WDR59: variants seen among roughly 807,000 people sequenced by gnomAD.
WDR59 encodes GATOR2 complex protein WDR59.
In WDR59, 100 loss-of-function variants were observed where a neutral mutation model predicts 131.2. The ratio of observed to expected loss-of-function variants is 0.76; its 90% CI spans 0.65 to 0.90. The LOEUF is 0.90. WDR59 is among the 40% of genes least tolerant of loss of function. The probability of loss-of-function intolerance (pLI) is 0.00; values close to 1 mark genes in which losing one functional copy is unlikely to be tolerated. For synonymous variants in WDR59, 601 were observed against 466.2 expected, an observed-to-expected ratio of 1.29 and a Z score of -3.72; for missense variants, 1,203 against 1,262.2, an observed-to-expected ratio of 0.95 and a Z score of 0.71.
At chr16:74,961,427 T>C (rs759090221) in intron 2 of WDR59, among the ~76,000 whole-genome samples, 38 of 152,172 alleles carry the variant, frequency 2.5e-4, no homozygotes, top group Admixed American at 5.2e-4. Flanking sequence ...TGTAAAAGCA[T>C]TCCTATTTCT....
chr16:74,890,889 G>C (rs1286468569), intron 20 of WDR59, among the ~76,000 whole-genome samples: 2 of 152,038 alleles, frequency 1.3e-5, no homozygotes, highest in East Asian at 3.9e-4. Flanking sequence ...GCTGAGGTGG[G>C]CGAATCACCA....
intron 18 of WDR59, 45 bp from the exon 19 acceptor site, chr16:74,893,857 T>C: frequency 6.2e-7 from 1 of 1,603,900 alleles, no homozygotes. Flanking sequence ...CTTTGACAAG[T>C]GGAAACCAAC....
chr16:74,948,641 C>T (rs766088298), intron 5 of WDR59, 85 bp from the exon 6 acceptor site: 171 of 1,172,110 alleles, frequency 1.5e-4, no homozygotes, highest in Non-Finnish European at 2.0e-4. Context: ...CACAATTCTT[C>T]GCTTTCCTTT....
intron 6 of WDR59, among the ~76,000 whole-genome samples, chr16:74,943,737 C>T (rs1355712849): frequency 6.6e-6 from 1 of 152,148 alleles, no homozygotes; most frequent in East Asian, 1.9e-4. Context: ...TGAGGAAGCC[C>T]ATAGTAGATC....
rs1964014792 is a variant in WDR59 at position 74,871,682 on chromosome 16, A to C, written c.*2527T>G. 6.6e-6 allele frequency: 1 copy of C among 152,224 alleles called. No homozygotes were observed. The highest frequency in any genetic ancestry group is 1.5e-5 in the Non-Finnish European group (1 of 68,038). The allele number at this position is 152,224 out of a possible 1,614,324, so 9.4% of individuals were successfully genotyped here. A position where few individuals can be genotyped will look rare whatever the true frequency, so the allele number is the denominator to read the frequency against. Reference sequence around the variant, plus strand: ...AACTTGAGCAGTGGGGAACAGGAAAAGATTGCTCTCTGCAAATGGTGTGAT... The same window carrying C: ...AACTTGAGCAGTGGGGAACAGGAAACGATTGCTCTCTGCAAATGGTGTGAT... On this transcript the variant is annotated 3_prime_UTR_variant, in exon 26 of 26. Coordinates refer to ENST00000262144, the MANE Select transcript of WDR59 (RefSeq NM_030581.4).
At chr16:74,937,832 T>C (rs1053431173) in intron 8 of WDR59, among the ~76,000 whole-genome samples, 2 of 152,170 alleles carry the variant, frequency 1.3e-5, no homozygotes, top group Non-Finnish European at 2.9e-5. Context: ...TACTTTTGTC[T>C]CTGACTTCCT....
At chr16:74,940,807 G>A (rs1356497388) in intron 7 of WDR59, among the ~76,000 whole-genome samples, 1 of 152,104 alleles carries the variant, frequency 6.6e-6, no homozygotes, top group East Asian at 1.9e-4. Flanking sequence ...CCGGGTTCAA[G>A]CGATTCTCCT....
At chr16:74,932,085 ATATT>A (rs2031441498) in intron 8 of WDR59, among the ~76,000 whole-genome samples, 1 of 149,776 alleles carries the variant, frequency 6.7e-6, no homozygotes, top group African/African-American at 2.4e-5. Flanking sequence ...ACACATATAT[ATATT>A]TATTTTATTT....
At position 74,874,417 on chromosome 16, in the gene WDR59, C is replaced by T. The variant is rs144948949; in HGVS notation, c.2717G>A (p.Arg906Gln). 2.2e-5 allele frequency: 35 copies of T among 1,613,916 alleles called. No individual in the cohort carries two copies. The highest frequency in any genetic ancestry group is 2.7e-5 in the African/African-American group (2 of 74,906). Residue 906 changes from arginine (R) to glutamine (Q), a missense_variant, in exon 26 of 26, where the codon CGG (arginine) becomes CAG (glutamine). Coordinates refer to ENST00000262144, the MANE Select transcript of WDR59 (RefSeq NM_030581.4). ...IEFGVYCSHC[R>Q]SEVRGTQCAI... ...ACACTGCGTGCCACGGACCTCACTCCGGCAGTGGCTGCAGTACACGCCGAA... is the reference window on the plus strand; with the variant it reads ...ACACTGCGTGCCACGGACCTCACTCTGGCAGTGGCTGCAGTACACGCCGAA...
intron 20 of WDR59, among the ~76,000 whole-genome samples, 183 bp from the exon 21 acceptor site, chr16:74,889,998 C>T (rs978243276): frequency 1.2e-4 from 19 of 152,174 alleles, no homozygotes; most frequent in Non-Finnish European, 2.4e-4. Context: ...TCAGCGTTTA[C>T]ACTTTAACCA....
intron 6 of WDR59, among the ~76,000 whole-genome samples, chr16:74,945,034 G>A (rs1357111443): frequency 1.3e-5 from 2 of 151,942 alleles, no homozygotes; most frequent in Non-Finnish European, 2.9e-5. Context: ...TGAGGCAGGA[G>A]AATCGCTTGA....
At chr16:74,958,477 C>T (rs2033400244) in intron 2 of WDR59, among the ~76,000 whole-genome samples, 1 of 150,562 alleles carries the variant, frequency 6.6e-6, no homozygotes. Flanking sequence ...CCTGTAATCC[C>T]AGCCACTCAG....
chr16:74,965,688 A>G, intron 2 of WDR59, 85 bp downstream of exon 2: 1 of 1,505,922 alleles, frequency 6.6e-7, no homozygotes, highest in Non-Finnish European at 9.2e-7. Context: ...CCGTAAATAT[A>G]AGAATAGCTT....
chr16:74,921,654 A>G (rs958495906), intron 10 of WDR59, among the ~76,000 whole-genome samples: 10 of 152,230 alleles, frequency 6.6e-5, no homozygotes, highest in Non-Finnish European at 2.9e-5. Context: ...TTTCAGTCCC[A>G]GAAACAATCC....
intron 18 of WDR59, chr16:74,899,886 G>A: frequency 1.5e-6 from 1 of 650,910 alleles, no homozygotes; most frequent in South Asian, 1.8e-5. Context: ...ACACTGTACA[G>A]TTGGGATGGG....
rs926993184 is a variant in WDR59 at position 74,915,690 on chromosome 16, C to T, written c.1224+180G>A. 24 of 765,168 alleles carry T rather than the reference C, an allele frequency of 3.1e-5. No individual in the cohort carries two copies. The African/African-American group carries it at 3.5e-4, about 11-fold the overall frequency. 47.4% of individuals were successfully genotyped at this position (765,168 alleles called of 1,614,324 possible). ...CTGTCCACCTCAGACTCCCAAAGTG[C>T]TGGGATTACAGGCGTGAGCCACCGC... On this transcript the variant is annotated intron_variant, in intron 13 of 25. Coordinates refer to ENST00000262144, the MANE Select transcript of WDR59 (RefSeq NM_030581.4).
At position 74,949,742 on chromosome 16, in the gene WDR59, G is replaced by C; in HGVS notation, c.383C>G (p.Thr128Ser). ...CTTGATATCCCAAATGTAGATGTAGGTGTCCACAGAGCTGGTAACCAGGAG... is the reference window on the plus strand; with the variant it reads ...CTTGATATCCCAAATGTAGATGTAGCTGTCCACAGAGCTGGTAACCAGGAG... ...PDLLVTSSVDTYIYIWDIKDT... is the reference protein window; with the variant it reads ...PDLLVTSSVDSYIYIWDIKDT... The change falls in exon 5 of 26, where the codon ACC becomes AGC. Residue 128 changes from threonine to serine, a missense_variant. Transcript: ENST00000262144. 1 of 1,613,908 alleles carries C rather than the reference G, an allele frequency of 6.2e-7. No individual in the cohort carries two copies. Among genetic ancestry groups the C allele is most frequent in the African/African-American group, 1.3e-5 (1 of 75,022 alleles).
Position 74,973,343 on chromosome 16 carries a change from C to T in WDR59, c.55-7521G>A, listed in dbSNP as rs1334335107. On this transcript the variant is annotated intron_variant, in intron 1 of 25. Coordinates refer to ENST00000262144, the MANE Select transcript of WDR59 (RefSeq NM_030581.4). ...GGGGGCCGGTCTCTCTCCATCACCC[C>T]AGCTGGAGCACAGTGGCGTTGCAGC... is the stretch of plus-strand genomic sequence containing the variant. Among the ~76,000 whole-genome samples the T allele has an allele frequency of 2.0e-5, 3 of 152,162 alleles. No homozygotes were observed. The East Asian group carries it at 5.8e-4, about 29-fold the overall frequency.
rs962588105 is a variant in WDR59 at position 74,921,496 on chromosome 16, C to CT, written c.886+450dup. ...CTGAGGAAATCACATCATCTGTTTT[C>CT]TTTTTTTTTTTCTTTTTTGAGACAG... On this transcript the variant is annotated intron_variant, in intron 10 of 25. Coordinates refer to ENST00000262144, the MANE Select transcript of WDR59 (RefSeq NM_030581.4). 3.9e-3 allele frequency among the ~76,000 whole-genome samples: 580 copies of CT among 147,112 alleles called. 1 individual carries two copies. The highest frequency in any genetic ancestry group is 0.013 in the African/African-American group (508 of 40,292).
Sources: gnomAD v4.1 joint callset for allele counts (sites outside exome capture counted in the v4.1 genomes callset) on GRCh38, gnomAD v4.1.1 for gene constraint, MANE v1.5 for transcripts, NCBI Gene and HGNC (gene_info 2026-07-23, HGNC 2026-07-21) for gene names.